The following DDX46 variants were observed in gnomAD, a reference collection of about 807,000 sequenced individuals.
The protein encoded by DDX46 is DEAD-box helicase 46.
A neutral mutation model predicts 134.9 loss-of-function variants in DDX46; 30 were observed. The observed-to-expected ratio is 0.22, with a 90% CI of 0.17 to 0.30. The LOEUF is 0.30. DDX46 is among the 10% of genes least tolerant of loss of function. DDX46 has a pLI of 1.00. For synonymous variants in DDX46, 415 were observed against 404.1 expected (o/e 1.03, Z -0.32); for missense variants, 622 against 1,248.7 (o/e 0.50, Z 7.56).
rs1338989966 is a variant in DDX46, at chr5:134,827,163, C to T, written c.3051+143C>T. 3.3e-5 allele frequency: 23 copies of T among 701,622 alleles called. No homozygotes were observed. The East Asian group carries it at 7.0e-4, about 21-fold the overall frequency. 43.5% of individuals were successfully genotyped at this position (701,622 alleles called of 1,614,324 possible). ...TAAGCATACCAGTGTAGTCACTACCCAGATCAAGAAATAAAAAACATTACT... is the reference window on the plus strand; with the variant it reads ...TAAGCATACCAGTGTAGTCACTACCTAGATCAAGAAATAAAAAACATTACT... On this transcript the variant is annotated intron_variant, in intron 22 of 22. Coordinates refer to ENST00000452510, the MANE Select transcript of DDX46 (RefSeq NM_001300860.2).
At chr5:134,801,849 G>T (rs1754838316) in intron 15 of DDX46, among the ~76,000 whole-genome samples, 1 of 152,068 alleles carries the variant, frequency 6.6e-6, no homozygotes, top group South Asian at 2.1e-4. Flanking sequence ...AGGTTTTTGT[G>T]TGAATGTCAG....
chr5:134,818,187 G>A (rs530396292), intron 20 of DDX46, among the ~76,000 whole-genome samples: 8 of 151,312 alleles, frequency 5.3e-5, no homozygotes, highest in South Asian at 4.2e-4. Flanking sequence ...TCGAACTCCC[G>A]ACCTCAGGTC....
chr5:134,785,606 T>G lies in DDX46; in HGVS notation c.1464+20T>G. The G allele has an allele frequency of 6.3e-7, 1 of 1,582,804 alleles. No homozygotes were observed. Among genetic ancestry groups the G allele is most frequent in the Non-Finnish European group, 8.6e-7 (1 of 1,166,598 alleles). ...GAGCAGGTAGTTATATAAGAAACAT[T>G]CATGTTTTCCATTCTTTTCTCAAGT... On this transcript the variant is annotated intron_variant, in intron 11 of 22. Transcript: ENST00000452510.
chr5:134,784,456 A>G lies in DDX46; in HGVS notation c.1257A>G (p.Gly419=). 1 of 1,614,146 alleles carries G rather than the reference A, an allele frequency of 6.2e-7. No individual in the cohort carries two copies. Among genetic ancestry groups the G allele is most frequent in the Non-Finnish European group, 8.5e-7 (1 of 1,180,004 alleles). ...ATTTGATTGGCATTGCCAAAACAGGAAGTGGAAAGACCATTGCTTTTCTGT... is the reference window on the plus strand; with the variant it reads ...ATTTGATTGGCATTGCCAAAACAGGGAGTGGAAAGACCATTGCTTTTCTGT... ...GRDLIGIAKT[G]SGKTIAFLLP... is the part of the protein sequence containing the mutation. Residue 419 remains glycine (G), a synonymous_variant, in exon 10 of 23, where the codon GGA becomes GGG. Coordinates refer to ENST00000452510, the MANE Select transcript of DDX46 (RefSeq NM_001300860.2).
At chr5:134,760,408 A>G (rs1156465386) in intron 1 of DDX46, among the ~76,000 whole-genome samples, 1 of 152,212 alleles carries the variant, frequency 6.6e-6, no homozygotes, top group Non-Finnish European at 1.5e-5. Context: ...AAGGGATTTT[A>G]TCTTTTTTGA....
At chr5:134,825,216 C>T (rs1755558054) in intron 21 of DDX46, among the ~76,000 whole-genome samples, 1 of 152,172 alleles carries the variant, frequency 6.6e-6, no homozygotes, top group Non-Finnish European at 1.5e-5. Flanking sequence ...CCAACTCATA[C>T]CAAGCAACGT....
At chr5:134,778,580 TA>T (rs1252583809) in intron 6 of DDX46, among the ~76,000 whole-genome samples, 5 of 152,080 alleles carry the variant, frequency 3.3e-5, no homozygotes, top group East Asian at 3.9e-4. Context: ...TTTATTTATT[TA>T]TTTTTTTTCT....
At chr5:134,798,498 C>T (rs1268465845) in intron 15 of DDX46, among the ~76,000 whole-genome samples, 1 of 152,130 alleles carries the variant, frequency 6.6e-6, no homozygotes, top group South Asian at 2.1e-4. Context: ...CCACCACGCC[C>T]GGCCTTAGAA....
At chr5:134,760,215 C>G (rs900370446) in intron 1 of DDX46, among the ~76,000 whole-genome samples, 6 of 152,158 alleles carry the variant, frequency 3.9e-5, no homozygotes, top group African/African-American at 1.2e-4. Context: ...TCTATGACAG[C>G]CTTCAAGGCC....
At position 134,828,755 on chromosome 5, in the gene DDX46, C is replaced by T. The variant is rs1170655705; in HGVS notation, c.*49C>T. 18 of 1,287,604 alleles carry T rather than the reference C, an allele frequency of 1.4e-5. No individual in the cohort carries two copies. Among genetic ancestry groups the T allele is most frequent in the Non-Finnish European group, 1.8e-5 (17 of 966,810 alleles). 79.8% of individuals were successfully genotyped at this position (1,287,604 alleles called of 1,614,324 possible). On this transcript the variant is annotated 3_prime_UTR_variant, in exon 23 of 23. Transcript: ENST00000452510. The stretch of plus-strand genomic sequence containing the variant: ...CTGTGCTGGTCTATGATGTATGTGG[C>T]AGTTGCTGTCTGCAGTTTACAATGT...
chr5:134,776,088 G>C (rs1288571460), intron 5 of DDX46, among the ~76,000 whole-genome samples: 1 of 152,152 alleles, frequency 6.6e-6, no homozygotes, highest in Non-Finnish European at 1.5e-5. Context: ...CGGGAGAAAA[G>C]AATGTTATTA....
chr5:134,776,374 C>T (rs930114135), intron 5 of DDX46, among the ~76,000 whole-genome samples: 30 of 149,020 alleles, frequency 2.0e-4, no homozygotes, highest in African/African-American at 6.9e-4. Flanking sequence ...AGCCTGGCAA[C>T]AGAGTGAGAC....
chr5:134,771,697 GTC>G (rs1264683805), intron 4 of DDX46, among the ~76,000 whole-genome samples: 2 of 148,922 alleles, frequency 1.3e-5, no homozygotes, highest in African/African-American at 5.2e-5. Flanking sequence ...GCAAGACTCT[GTC>G]TCAAAAATCA....
At chr5:134,785,953 A>G (rs538464131) in intron 11 of DDX46, among the ~76,000 whole-genome samples, 2 of 151,666 alleles carry the variant, frequency 1.3e-5, no homozygotes, top group African/African-American at 4.8e-5. Context: ...GGTTCAAGCG[A>G]TTCTCCTACC....
intron 1 of DDX46, among the ~76,000 whole-genome samples, chr5:134,762,664 CA>C (rs1238127729): frequency 6.6e-6 from 1 of 151,394 alleles, no homozygotes; most frequent in African/African-American, 2.4e-5. Flanking sequence ...ACCTGGGAGG[CA>C]GAGGTTGCAG....
intron 13 of DDX46, 75 bp downstream of exon 13, chr5:134,790,627 GT>G (rs1429750425): frequency 3.8e-6 from 5 of 1,330,454 alleles, no homozygotes; most frequent in Non-Finnish European, 4.2e-6. Context: ...AAATGTTCAT[GT>G]GGTTTCTGAA....
chr5:134,773,914 G>A (rs1753853692), intron 5 of DDX46, 53 bp downstream of exon 5: 2 of 1,409,414 alleles, frequency 1.4e-6, no homozygotes, highest in South Asian at 1.7e-5. Context: ...AATATTATAT[G>A]AATAATATTT....
chr5:134,809,574 C>T (rs775010533), intron 16 of DDX46, among the ~76,000 whole-genome samples: 14 of 151,900 alleles, frequency 9.2e-5, no homozygotes, highest in Non-Finnish European at 1.9e-4. Flanking sequence ...TCTACTAAAA[C>T]CTGTGTTAGC....
chr5:134,759,059 C>G (rs915562455), intron 1 of DDX46, 104 bp downstream of exon 1: 6 of 1,530,750 alleles, frequency 3.9e-6, no homozygotes, highest in Non-Finnish European at 5.3e-6. Context: ...CGCGGCCCCA[C>G]GTGCGGTCAG....
Sources: gnomAD v4.1 joint callset for allele counts (sites outside exome capture counted in the v4.1 genomes callset) on GRCh38, gnomAD v4.1.1 for gene constraint, MANE v1.5 for transcripts, NCBI Gene and HGNC (gene_info 2026-07-23, HGNC 2026-07-21) for gene names.